PIAS1: variants seen among roughly 807,000 people sequenced by gnomAD.
PIAS1 encodes the protein E3 SUMO-protein ligase PIAS1.
In PIAS1, 6 loss-of-function variants were observed where a neutral mutation model predicts 71.3. That is an observed-to-expected ratio of 0.08 (90% CI 0.05 to 0.17). The LOEUF is 0.17. Ranked by LOEUF, PIAS1 falls within the 10% of genes least tolerant of loss-of-function variation. The pLI, the probability that PIAS1 is intolerant of heterozygous loss-of-function variation, is 1.00. For missense variants in PIAS1, 555 were observed against 793.6 expected (o/e 0.70, Z 3.61); for synonymous variants, 303 against 292.9 (o/e 1.03, Z -0.35).
intron 13 of PIAS1, chr15:68,183,907 C>A: frequency 2.9e-6 from 1 of 343,318 alleles, no homozygotes; most frequent in Non-Finnish European, 5.3e-6. Flanking sequence ...AAGTATCACA[C>A]GTATAATTAT....
chr15:68,114,124 A>G (rs75735618), intron 2 of PIAS1, among the ~76,000 whole-genome samples: 2,243 of 151,028 alleles, frequency 0.015, 54 homozygotes, highest in African/African-American at 0.053. Context: ...TTATAAAAAC[A>G]ATACATATGC....
chr15:68,103,690 A>G (rs1380607234), intron 2 of PIAS1, among the ~76,000 whole-genome samples: 4 of 152,212 alleles, frequency 2.6e-5, no homozygotes, highest in Non-Finnish European at 4.4e-5. Flanking sequence ...GACATCTCAT[A>G]TGAATGGAAT....
intron 2 of PIAS1, among the ~76,000 whole-genome samples, chr15:68,106,583 A>T (rs529826189): frequency 6.6e-6 from 1 of 152,106 alleles, no homozygotes; most frequent in East Asian, 1.9e-4. Context: ...GTCTCTCTTC[A>T]TGTTTCCCCC....
chr15:68,156,857 A>C (rs2092893722), intron 7 of PIAS1, among the ~76,000 whole-genome samples: 1 of 152,206 alleles, frequency 6.6e-6, no homozygotes, highest in South Asian at 2.1e-4. Flanking sequence ...AGTAAATGAC[A>C]CGATTACATT....
At chr15:68,091,973 CAT>C (rs1306003669) in intron 2 of PIAS1, among the ~76,000 whole-genome samples, 2 of 152,112 alleles carry the variant, frequency 1.3e-5, no homozygotes, top group African/African-American at 2.4e-5. Flanking sequence ...CATCTGTAGT[CAT>C]ATAAAAGTAT....
At chr15:68,116,226 C>G (rs948629699) in intron 2 of PIAS1, among the ~76,000 whole-genome samples, 1 of 151,212 alleles carries the variant, frequency 6.6e-6, no homozygotes, top group African/African-American at 2.4e-5. Context: ...TACACATGGG[C>G]CTAGAGTTTT....
At chr15:68,059,110 T>G (rs2091929414) in intron 1 of PIAS1, among the ~76,000 whole-genome samples, 1 of 150,234 alleles carries the variant, frequency 6.7e-6, no homozygotes, top group African/African-American at 2.5e-5. Context: ...GTTAACACCA[T>G]TCTCCTGCCT....
At position 68,167,098 on chromosome 15, in the gene PIAS1, G is replaced by A. The variant is rs1447693863; in HGVS notation, c.1008+2294G>A. On this transcript the variant is annotated intron_variant, in intron 8 of 13. Transcript: ENST00000249636. The surrounding 1 kb of genome is among the most constrained non-coding windows in gnomAD (Gnocchi z 4.4). ...TGCCTTGGCCTCCCTTGGGATTACAGGCGTGAGCCACCACACCTGGCCAGC... is the reference window on the plus strand; with the variant it reads ...TGCCTTGGCCTCCCTTGGGATTACAAGCGTGAGCCACCACACCTGGCCAGC... Among the ~76,000 whole-genome samples, 1 of 152,136 alleles carries A rather than the reference G, an allele frequency of 6.6e-6. No individual in the cohort carries two copies. Among genetic ancestry groups the A allele is most frequent in the Non-Finnish European group, 1.5e-5 (1 of 68,032 alleles).
In PIAS1 at chr15:68,086,888, A is replaced by G. The variant is rs2092288087; in HGVS notation, c.469+138A>G. 1.7e-6 allele frequency: 1 copy of G among 581,818 alleles called. No individual in the cohort carries two copies. The highest frequency in any genetic ancestry group is 3.0e-6 in the Non-Finnish European group (1 of 331,488). 36.0% of individuals were successfully genotyped at this position (581,818 alleles called of 1,614,324 possible). On this transcript the variant is annotated intron_variant, in intron 2 of 13. Transcript: ENST00000249636. The surrounding 1 kb of genome is among the most constrained non-coding windows in gnomAD (Gnocchi z 7.2). ...AGCTGGATAATAATGAAGATCTTTCAAATTTAGATAAAATCAAATATATAA... is the reference window on the plus strand; with the variant it reads ...AGCTGGATAATAATGAAGATCTTTCGAATTTAGATAAAATCAAATATATAA...
Position 68,141,736 on chromosome 15 carries a change from TG to T in PIAS1, c.470-209del, listed in dbSNP as rs377520079. Among the ~76,000 whole-genome samples the T allele has an allele frequency of 1.1e-3, 168 of 152,266 alleles. 1 individual carries two copies. The highest frequency in any genetic ancestry group is 3.9e-3 in the African/African-American group (163 of 41,538). ...TATTGTCTGAATTTGAATCCTGATG[TG>T]TTATTCTGGAATTAGCCATTTTTGT... On this transcript the variant is annotated intron_variant, in intron 2 of 13. Transcript: ENST00000249636.
intron 2 of PIAS1, among the ~76,000 whole-genome samples, chr15:68,088,087 A>T (rs1462674627): frequency 6.7e-6 from 1 of 149,866 alleles, no homozygotes; most frequent in Non-Finnish European, 1.5e-5. Context: ...TTACAGAAGG[A>T]ATCATATACA....
chr15:68,077,509 T>G (rs2092180207), intron 1 of PIAS1, among the ~76,000 whole-genome samples: 1 of 152,240 alleles, frequency 6.6e-6, no homozygotes, highest in African/African-American at 2.4e-5. Flanking sequence ...TAAAGGGAAC[T>G]TTCAATTCCT....
chr15:68,172,664 A>G (rs1019408070), intron 8 of PIAS1, among the ~76,000 whole-genome samples: 2 of 152,206 alleles, frequency 1.3e-5, no homozygotes, highest in African/African-American at 4.8e-5. Context: ...TCTCTGCTAT[A>G]TGGTGGCCAT....
chr15:68,113,303 G>A (rs1177415154), intron 2 of PIAS1, among the ~76,000 whole-genome samples: 3 of 152,142 alleles, frequency 2.0e-5, no homozygotes, highest in Non-Finnish European at 2.9e-5. Context: ...AATTTTAGAT[G>A]TTCTTTTAAA....
At position 68,054,686 on chromosome 15, in the gene PIAS1, TG is replaced by T. The variant is rs1478416957; in HGVS notation, c.24+337del. ...TTTTTCACCTTCCAGTTAGCCTCCC[TG>T]CCCCCCATGGGGAGCTGGGGCTGGG... is the stretch of plus-strand genomic sequence containing the variant. On this transcript the variant is annotated intron_variant, in intron 1 of 13. Coordinates refer to ENST00000249636, the MANE Select transcript of PIAS1 (RefSeq NM_016166.3). This position sits in a 1 kb window ranked among gnomAD's most constrained non-coding sequence, Gnocchi z 4.6. The T allele has an allele frequency of 4.5e-6, 1 of 224,448 alleles. No homozygotes were observed. Among genetic ancestry groups the T allele is most frequent in the Non-Finnish European group, 8.7e-6 (1 of 114,926 alleles). The allele number at this position is 224,448 out of a possible 1,614,324, so 13.9% of individuals were successfully genotyped here.
rs919948971 is a variant in PIAS1 at position 68,054,385 on chromosome 15, G to C, written c.24+35G>C. 1.1e-5 allele frequency: 17 copies of C among 1,556,810 alleles called. No homozygotes were observed. Among genetic ancestry groups the C allele is most frequent in the Non-Finnish European group, 1.4e-5 (16 of 1,150,434 alleles). On this transcript the variant is annotated intron_variant, in intron 1 of 13. Transcript: ENST00000249636. The surrounding 1 kb of genome is among the most constrained non-coding windows in gnomAD (Gnocchi z 4.6). ...AGCTCGAATTCACTTCTAATATTCG[G>C]CCGCGGAGACGGCGCCGCTGCTGCC...
chr15:68,190,419 A>G lies in PIAS1; in HGVS notation c.*2584A>G, dbSNP rs2141115381. ...TTCATGATCTCTACTAATTATTAGT[A>G]GAGTCCTGTACTATGTCTGTAACTA... On this transcript the variant is annotated 3_prime_UTR_variant, in exon 14 of 14. Transcript: ENST00000249636. This position sits in a 1 kb window ranked among gnomAD's most constrained non-coding sequence, Gnocchi z 4.7. 6.6e-6 allele frequency: 1 copy of G among 152,350 alleles called. No homozygotes were observed. Among genetic ancestry groups the G allele is most frequent in the South Asian group, 2.1e-4 (1 of 4,824 alleles). The allele number at this position is 152,350 out of a possible 1,614,324, so 9.4% of individuals were successfully genotyped here.
At chr15:68,097,478 G>A (rs2092386044) in intron 2 of PIAS1, among the ~76,000 whole-genome samples, 1 of 151,914 alleles carries the variant, frequency 6.6e-6, no homozygotes, top group African/African-American at 2.4e-5. Context: ...TGTCACCCAG[G>A]CTGGAGTGCA....
intron 2 of PIAS1, among the ~76,000 whole-genome samples, chr15:68,090,870 C>A (rs918020371): frequency 2.0e-5 from 3 of 151,084 alleles, no homozygotes; most frequent in African/African-American, 7.3e-5. Context: ...TACTTGCTTA[C>A]TTTACAGATA....
Sources: gnomAD v4.1 joint callset for allele counts (sites outside exome capture counted in the v4.1 genomes callset) on GRCh38, gnomAD v4.1.1 for gene constraint, Gnocchi (gnomAD v3.1) non-coding constraint, MANE v1.5 for transcripts, NCBI Gene and HGNC (gene_info 2026-07-23, HGNC 2026-07-21) for gene names.